The following LHFPL3 variants were observed in gnomAD, a reference collection of about 807,000 sequenced individuals.
LHFPL3 encodes the protein LHFPL tetraspan subfamily member 3.
LHFPL3 carries 5 observed loss-of-function variants against 19.3 expected under a neutral mutation model. The ratio of observed to expected loss-of-function variants is 0.26; its 90% CI spans 0.14 to 0.54. The LOEUF (loss-of-function observed/expected upper bound fraction) is 0.54. Ranked by LOEUF, LHFPL3 falls within the 20% of genes least tolerant of loss-of-function variation. LHFPL3 has a pLI of 0.94. For synonymous variants in LHFPL3, 133 were observed against 126.2 expected, an observed-to-expected ratio of 1.05 and a Z score of -0.36; for missense variants, 249 against 307.4, an observed-to-expected ratio of 0.81 and a Z score of 1.42.
At chr7:104,531,841 T>C (rs73407685) in intron 1 of LHFPL3, among the ~76,000 whole-genome samples, 2,435 of 152,264 alleles carry the variant, frequency 0.016, 57 homozygotes, top group African/African-American at 0.056. Flanking sequence ...CTGGTGGTTT[T>C]GTCAAGGTGC....
At chr7:104,858,348 G>A (rs1241742164) in intron 2 of LHFPL3, among the ~76,000 whole-genome samples, 1 of 152,190 alleles carries the variant, frequency 6.6e-6, no homozygotes, top group African/African-American at 2.4e-5. Context: ...CTCCCACCTT[G>A]AAAACTCTCC....
At chr7:104,674,377 T>C (rs1331123393) in intron 1 of LHFPL3, among the ~76,000 whole-genome samples, 3 of 139,214 alleles carry the variant, frequency 2.2e-5, no homozygotes, top group Non-Finnish European at 4.8e-5. Flanking sequence ...TTTTTCTTTT[T>C]TTTTTTTTTT....
At chr7:104,549,250 C>G (rs1197066649) in intron 1 of LHFPL3, among the ~76,000 whole-genome samples, 1 of 152,030 alleles carries the variant, frequency 6.6e-6, no homozygotes, top group African/African-American at 2.4e-5. Context: ...CTTCTCTCTT[C>G]TCTCTCCATA....
intron 1 of LHFPL3, among the ~76,000 whole-genome samples, chr7:104,603,338 G>C (rs185283919): frequency 3.0e-4 from 46 of 152,076 alleles, no homozygotes; most frequent in African/African-American, 9.6e-4. Context: ...TGGGACTACA[G>C]GTGCATGCCA....
At chr7:104,583,205 T>C (rs954305593) in intron 1 of LHFPL3, among the ~76,000 whole-genome samples, 48 of 152,122 alleles carry the variant, frequency 3.2e-4, no homozygotes, top group African/African-American at 1.1e-3. Flanking sequence ...AAACAAGCAA[T>C]GGGGAAAGGA....
chr7:104,754,685 T>C (rs982036549), intron 2 of LHFPL3, among the ~76,000 whole-genome samples: 3 of 152,178 alleles, frequency 2.0e-5, no homozygotes, highest in African/African-American at 7.2e-5. Flanking sequence ...CCTGGCCTCA[T>C]GATGCAGATC....
At chr7:104,626,473 C>T (rs1284072611) in intron 1 of LHFPL3, among the ~76,000 whole-genome samples, 1 of 152,150 alleles carries the variant, frequency 6.6e-6, no homozygotes, top group African/African-American at 2.4e-5. Flanking sequence ...TTATAGCAAC[C>T]TGGAGTCTCC....
intron 2 of LHFPL3, among the ~76,000 whole-genome samples, chr7:104,790,909 T>C (rs772343475): frequency 6.6e-6 from 1 of 152,230 alleles, no homozygotes; most frequent in Non-Finnish European, 1.5e-5. Flanking sequence ...TATGAAATAC[T>C]ATTCAAATGT....
At chr7:104,903,016 C>T (rs750453176) in intron 2 of LHFPL3, among the ~76,000 whole-genome samples, 1 of 152,098 alleles carries the variant, frequency 6.6e-6, no homozygotes, top group Non-Finnish European at 1.5e-5. Context: ...TGAGGATCTT[C>T]CCAGGGAGAC....
At chr7:104,407,081 G>T (rs1392437990) in intron 1 of LHFPL3, among the ~76,000 whole-genome samples, 2 of 152,038 alleles carry the variant, frequency 1.3e-5, no homozygotes, top group Non-Finnish European at 2.9e-5. Context: ...GACATCACAG[G>T]GTTGAAGTGA....
intron 1 of LHFPL3, among the ~76,000 whole-genome samples, chr7:104,564,612 A>G (rs1205472504): frequency 6.6e-6 from 1 of 152,242 alleles, no homozygotes; most frequent in African/African-American, 2.4e-5. Context: ...GTAGAGAACT[A>G]TGTTGCCCTG....
At chr7:104,339,235 C>A (rs192727274) in intron 1 of LHFPL3, among the ~76,000 whole-genome samples, 1 of 149,802 alleles carries the variant, frequency 6.7e-6, no homozygotes, top group African/African-American at 2.5e-5. Context: ...GCAACAAGAG[C>A]GAAACTCCGT....
chr7:104,524,601 A>G (rs755578698), intron 1 of LHFPL3, among the ~76,000 whole-genome samples: 4 of 152,190 alleles, frequency 2.6e-5, no homozygotes, highest in Non-Finnish European at 5.9e-5. Context: ...GATTGATCCA[A>G]GGACTCCTGA....
At chr7:104,442,812 G>C (rs1310325002) in intron 1 of LHFPL3, among the ~76,000 whole-genome samples, 2 of 152,188 alleles carry the variant, frequency 1.3e-5, no homozygotes, top group Non-Finnish European at 2.9e-5. Flanking sequence ...TATATCACTA[G>C]AACTGCCAGA....
intron 2 of LHFPL3, among the ~76,000 whole-genome samples, chr7:104,867,124 G>A (rs1328417503): frequency 1.3e-5 from 2 of 152,114 alleles, no homozygotes; most frequent in Non-Finnish European, 2.9e-5. Flanking sequence ...AGAGAAAGCA[G>A]GAAAGATCTA....
chr7:104,400,432 A>G (rs1164725815), intron 1 of LHFPL3, among the ~76,000 whole-genome samples: 2 of 152,192 alleles, frequency 1.3e-5, no homozygotes, highest in African/African-American at 2.4e-5. Flanking sequence ...TCAGCTACCT[A>G]TGAGGATATT....
chr7:104,383,631 A>G (rs1302771504), intron 1 of LHFPL3, among the ~76,000 whole-genome samples: 1 of 152,210 alleles, frequency 6.6e-6, no homozygotes, highest in Non-Finnish European at 1.5e-5. Context: ...TGATTTCTAG[A>G]GGGAAAAATG....
chr7:104,335,933 A>G (rs1789799913), intron 1 of LHFPL3, among the ~76,000 whole-genome samples: 2 of 151,818 alleles, frequency 1.3e-5, no homozygotes, highest in Middle Eastern at 3.5e-3. Context: ...TGTGTGTGGT[A>G]TCAGGAGATG....
chr7:104,349,197 C>G, intron 1 of LHFPL3, among the ~76,000 whole-genome samples: 1 of 152,102 alleles, frequency 6.6e-6, no homozygotes, highest in East Asian at 1.9e-4. Context: ...AAAATTAATT[C>G]AAGTCTCCTT....
Sources: gnomAD v4.1 joint callset for allele counts (sites outside exome capture counted in the v4.1 genomes callset) on GRCh38, gnomAD v4.1.1 for gene constraint, MANE v1.5 for transcripts, NCBI Gene and HGNC (gene_info 2026-07-23, HGNC 2026-07-21) for gene names.